Variants in RAPGEF1 observed in about 807,000 individuals in gnomAD.
RAPGEF1 encodes CRK SH3-binding GNRP.
RAPGEF1 carries 33 observed loss-of-function variants against 143.3 expected under a neutral mutation model. The ratio of observed to expected loss-of-function variants is 0.23; its 90% CI spans 0.17 to 0.31. The LOEUF (loss-of-function observed/expected upper bound fraction) is 0.31. RAPGEF1 is among the 10% of genes least tolerant of loss of function. The pLI, the probability that RAPGEF1 is intolerant of heterozygous loss-of-function variation, is 1.00. For missense variants in RAPGEF1, 1,199 were observed against 1,645.4 expected (o/e 0.73, Z 4.69); for synonymous variants, 629 against 676.5 (o/e 0.93, Z 1.09).
chr9:131,665,807 G>A (rs1830337778), intron 1 of RAPGEF1, among the ~76,000 whole-genome samples: 1 of 152,186 alleles, frequency 6.6e-6, no homozygotes, highest in African/African-American at 2.4e-5. Context: ...TGGGCTCTTA[G>A]AACAAGCTGC....
At chr9:131,586,647 CAA>C (rs1201252840) in intron 22 of RAPGEF1, among the ~76,000 whole-genome samples, 2 of 121,278 alleles carry the variant, frequency 1.6e-5, no homozygotes, top group African/African-American at 3.9e-5. Context: ...GACTCCGTCT[CAA>C]ACACACACAC....
intron 20 of RAPGEF1, 136 bp downstream of exon 20, chr9:131,588,665 G>A: frequency 1.1e-6 from 1 of 896,632 alleles, no homozygotes; most frequent in East Asian, 2.7e-5. Flanking sequence ...GGATCCACGG[G>A]GCTGTTCCTG....
chr9:131,593,852 A>C (rs1180085457), intron 17 of RAPGEF1, among the ~76,000 whole-genome samples: 1 of 152,238 alleles, frequency 6.6e-6, no homozygotes, highest in Admixed American at 6.5e-5. Flanking sequence ...AGATGGCACC[A>C]GCATAGACCC....
rs754902664 is a variant in RAPGEF1, at chr9:131,628,061, C to T, written c.1053G>A (p.Leu351=). 1.7e-5 allele frequency: 27 copies of T among 1,571,200 alleles called. No homozygotes were observed. In the Admixed American group the frequency reaches 5.0e-4, roughly 29 times the overall value. ...FDVDCYAQRR[L]SGGSHSYGGE... ...CACCATATGAGTGGCTGCCTCCTGA[C>T]AGTCGCCTCTGTGCGTAACAGTCAA... Residue 351 remains leucine (L), a synonymous_variant, in exon 9 of 27, where the codon CTG becomes CTA. Transcript: ENST00000683357. This position sits in a 1 kb window ranked among gnomAD's most constrained non-coding sequence, Gnocchi z 5.7.
intron 1 of RAPGEF1, among the ~76,000 whole-genome samples, chr9:131,693,505 G>C (rs1251083547): frequency 2.0e-5 from 3 of 152,080 alleles, no homozygotes; most frequent in Non-Finnish European, 4.4e-5. Context: ...GGCATGATAA[G>C]AAAGTCCCCT....
intron 13 of RAPGEF1, among the ~76,000 whole-genome samples, 194 bp from the exon 14 acceptor site, chr9:131,604,247 G>A (rs568842089): frequency 6.6e-6 from 1 of 152,348 alleles, no homozygotes; most frequent in East Asian, 1.9e-4. Flanking sequence ...GGTGTCTGGG[G>A]CTAAATCATC....
chr9:131,587,891 T>C, intron 21 of RAPGEF1, 51 bp downstream of exon 21: 1 of 1,598,620 alleles, frequency 6.3e-7, no homozygotes, highest in Non-Finnish European at 8.5e-7. Flanking sequence ...TGGGGGTTTC[T>C]CTCATTCAGG....
intron 14 of RAPGEF1, 31 bp from the exon 15 acceptor site, chr9:131,602,180 A>G (rs1278892436): frequency 6.5e-7 from 1 of 1,527,210 alleles, no homozygotes; most frequent in Non-Finnish European, 8.9e-7. Flanking sequence ...TGAGTTCTGG[A>G]CAGGGGCCCT....
intron 9 of RAPGEF1, among the ~76,000 whole-genome samples, chr9:131,627,213 CAAAAAAAAAAAAAA>C (rs10690802): frequency 6.2e-4 from 60 of 97,394 alleles, no homozygotes; most frequent in Middle Eastern, 5.4e-3. Flanking sequence ...GGCTCTGTCT[CAAAAAAAAAAAAAA>C]AAAAAAAAAA....
chr9:131,664,759 T>C (rs193264728), intron 1 of RAPGEF1, among the ~76,000 whole-genome samples: 6 of 152,368 alleles, frequency 3.9e-5, no homozygotes, highest in Non-Finnish European at 5.9e-5. Context: ...CAAAAAGATA[T>C]TCTAATTCTT....
At chr9:131,716,513 C>A (rs1361096249) in intron 1 of RAPGEF1, among the ~76,000 whole-genome samples, 1 of 152,222 alleles carries the variant, frequency 6.6e-6, no homozygotes, top group Non-Finnish European at 1.5e-5. Context: ...TGCCTGTAAT[C>A]CCAGCACTTT....
chr9:131,628,657 C>T lies in RAPGEF1; in HGVS notation c.909G>A (p.Leu303=). Residue 303 remains leucine (L), a synonymous_variant, in exon 8 of 27, where the codon TTG becomes TTA. Coordinates refer to ENST00000683357, the MANE Select transcript of RAPGEF1 (RefSeq NM_001377935.1). The surrounding 1 kb of genome is among the most constrained non-coding windows in gnomAD (Gnocchi z 5.7). ...RVVDNSPPPA[L]PPKKRQSAPS... is the part of the protein sequence containing the mutation. ...GCGCCGACTGTCTTTTCTTGGGTGG[C>T]AATGCTGGTGGAGGACTGAAACAGA... is the stretch of plus-strand genomic sequence containing the variant. The T allele has an allele frequency of 6.2e-7, 1 of 1,606,020 alleles. No homozygotes were observed. Among genetic ancestry groups the T allele is most frequent in the Non-Finnish European group, 8.5e-7 (1 of 1,173,774 alleles).
intron 12 of RAPGEF1, among the ~76,000 whole-genome samples, chr9:131,606,135 C>T (rs978351457): frequency 6.6e-6 from 1 of 152,208 alleles, no homozygotes; most frequent in Admixed American, 6.5e-5. Context: ...CAAGGCTATA[C>T]TCCCCCAGAT....
intron 1 of RAPGEF1, among the ~76,000 whole-genome samples, chr9:131,683,644 T>C (rs558525684): frequency 6.6e-6 from 1 of 152,380 alleles, no homozygotes; most frequent in Admixed American, 6.5e-5. Flanking sequence ...CTAAGCGTTT[T>C]CATTGTTTTA....
chr9:131,642,389 C>G (rs1307465993), intron 4 of RAPGEF1, among the ~76,000 whole-genome samples: 1 of 152,228 alleles, frequency 6.6e-6, no homozygotes. Context: ...CCCTACCCGA[C>G]TGGCTCTAGC....
Position 131,595,575 on chromosome 9 carries a change from C to T in RAPGEF1, c.2689+723G>A, listed in dbSNP as rs139953388. 4.9e-3 allele frequency among the ~76,000 whole-genome samples: 750 copies of T among 152,264 alleles called. 5 individuals carry two copies. The highest frequency in any genetic ancestry group is 7.9e-3 in the Non-Finnish European group (540 of 68,032). ...TTTTTAAACGTAAAAAGAGAAGCAG[C>T]GTGTGGAGAGACTGGCCGGCCAGGT... On this transcript the variant is annotated intron_variant, in intron 17 of 26. Transcript: ENST00000683357.
Position 131,578,464 on chromosome 9 carries a change from A to T in RAPGEF1, c.*1033T>A, listed in dbSNP as rs1951433877. 1.3e-5 allele frequency: 2 copies of T among 152,188 alleles called. No individual in the cohort carries two copies. The highest frequency in any genetic ancestry group is 4.1e-4 in the South Asian group (2 of 4,820). The allele number at this position is 152,188 out of a possible 1,614,324, so 9.4% of individuals were successfully genotyped here. Reference sequence around the variant, plus strand: ...CTTCCCTCCCAGGGGCACTGACAGCACTGGCTGAAAGGTCTGAAGAGCCAG... The same window carrying T: ...CTTCCCTCCCAGGGGCACTGACAGCTCTGGCTGAAAGGTCTGAAGAGCCAG... On this transcript the variant is annotated 3_prime_UTR_variant, in exon 27 of 27. Coordinates refer to ENST00000683357, the MANE Select transcript of RAPGEF1 (RefSeq NM_001377935.1).
chr9:131,602,978 C>A (rs1443312814), intron 14 of RAPGEF1, among the ~76,000 whole-genome samples: 1 of 152,358 alleles, frequency 6.6e-6, no homozygotes, highest in East Asian at 1.9e-4. Flanking sequence ...CCTCTACCTG[C>A]ACGTGGACTT....
chr9:131,718,297 C>T (rs1328059803), intron 1 of RAPGEF1, among the ~76,000 whole-genome samples: 3 of 152,198 alleles, frequency 2.0e-5, no homozygotes, highest in Non-Finnish European at 4.4e-5. Context: ...AGTTAAGGGC[C>T]AGAGTCCAGG....
Sources: allele counts gnomAD v4.1 joint callset (sites outside exome capture counted in the v4.1 genomes callset), GRCh38; gene constraint gnomAD v4.1.1; non-coding constraint Gnocchi (gnomAD v3.1); transcripts MANE v1.5; gene names NCBI Gene and HGNC (gene_info 2026-07-23, HGNC 2026-07-21).